The following KCNA6 variants were observed in gnomAD, a reference collection of about 807,000 sequenced individuals.
KCNA6 encodes the protein potassium voltage-gated channel subfamily A member 6.
In KCNA6, 17 loss-of-function variants were observed where a neutral mutation model predicts 29.5. The observed-to-expected ratio is 0.58, with a 90% confidence interval of 0.39 to 0.86. The LOEUF (loss-of-function observed/expected upper bound fraction) is 0.86, where lower values mean the gene tolerates loss of function less well. KCNA6 is among the 40% of genes least tolerant of loss of function. The pLI, the probability that KCNA6 is intolerant of heterozygous loss-of-function variation, is 0.00. For synonymous variants in KCNA6, 296 were observed against 304.7 expected, an observed-to-expected ratio of 0.97 and a Z score of 0.30; for missense variants, 450 against 703.4, an observed-to-expected ratio of 0.64 and a Z score of 4.07.
At chr12:4,827,600 T>A in the KCNA6 span, among the ~76,000 whole-genome samples, 5 of 152,182 alleles carry the variant, frequency 3.3e-5, no homozygotes, top group African/African-American at 7.2e-5. Flanking sequence ...AAGTAGAAGC[T>A]GGCTTCTTCC....
At chr12:4,840,514 C>T in the KCNA6 span, among the ~76,000 whole-genome samples, 1 of 152,218 alleles carries the variant, frequency 6.6e-6, no homozygotes, top group Non-Finnish European at 1.5e-5. Flanking sequence ...CACTTCTTTA[C>T]CTCCTGGGAA....
chr12:4,820,593 T>C, the KCNA6 span, among the ~76,000 whole-genome samples: 1 of 76,734 alleles, frequency 1.3e-5, no homozygotes, highest in Non-Finnish European at 2.9e-5. Context: ...ACACACACAC[T>C]CTTAAAAATA....
the KCNA6 span, among the ~76,000 whole-genome samples, chr12:4,838,419 A>G: frequency 0.07 from 10,725 of 152,174 alleles, 580 homozygotes; most frequent in East Asian, 0.26. Context: ...GGGGCTACCA[A>G]GGAGTTTACA....
At chr12:4,818,903 TATATACATAC>T in the KCNA6 span, among the ~76,000 whole-genome samples, 1 of 151,876 alleles carries the variant, frequency 6.6e-6, no homozygotes, top group Non-Finnish European at 1.5e-5. Flanking sequence ...CACATAAATA[TATATACATAC>T]ATACACATAC....
In KCNA6 at chr12:4,810,591, A is replaced by G. The variant is rs893384772; in HGVS notation, c.550A>G (p.Ile184Val). 19 of 1,614,004 alleles carry G rather than the reference A, an allele frequency of 1.2e-5. No individual in the cohort carries two copies. The African/African-American group carries it at 2.1e-4, about 18-fold the overall frequency. Residue 184 changes from isoleucine to valine, a missense_variant, in exon 1 of 1, where the codon ATT becomes GTT. Ile to Val is a conservative substitution (Grantham distance 29). Around this residue, in one of 7 missense-constraint regions of KCNA6, gnomAD observed 133 missense variants for 217.5 expected, o/e 0.61. Coordinates refer to ENST00000280684, the Ensembl canonical transcript of KCNA6. The surrounding 1 kb of genome is among the most constrained non-coding windows in gnomAD (Gnocchi z 7.5). ...CATCGCCATCGTCTCCGTGTTGGTC[A>G]TTCTCATCTCCATAGTCATCTTTTG...
chr12:4,842,910 C>T, the KCNA6 span, among the ~76,000 whole-genome samples: 1 of 152,032 alleles, frequency 6.6e-6, no homozygotes, highest in African/African-American at 2.4e-5. Context: ...AATTATAAAA[C>T]TTGTGTCCGT....
At chr12:4,818,704 A>G in the KCNA6 span, among the ~76,000 whole-genome samples, 7 of 152,116 alleles carry the variant, frequency 4.6e-5, no homozygotes, top group African/African-American at 1.7e-4. Flanking sequence ...GTGAGGGTCT[A>G]ACTGTTATTG....
At chr12:4,819,926 G>A in the KCNA6 span, among the ~76,000 whole-genome samples, 1 of 152,218 alleles carries the variant, frequency 6.6e-6, no homozygotes, top group Non-Finnish European at 1.5e-5. Flanking sequence ...CAGTGAAAGA[G>A]TTTAGCAGGA....
At chr12:4,847,025 C>T in the KCNA6 span, among the ~76,000 whole-genome samples, 5 of 151,582 alleles carry the variant, frequency 3.3e-5, no homozygotes, top group African/African-American at 1.2e-4. Flanking sequence ...ACCTCGTGAT[C>T]CACCTGCCTT....
the KCNA6 span, among the ~76,000 whole-genome samples, chr12:4,849,050 G>A: frequency 2.0e-5 from 3 of 151,838 alleles, no homozygotes; most frequent in Non-Finnish European, 4.4e-5. Flanking sequence ...AACCCCGGGA[G>A]TCGGAGGTTG....
the KCNA6 span, among the ~76,000 whole-genome samples, chr12:4,837,467 G>T: frequency 6.6e-6 from 1 of 152,156 alleles, no homozygotes; most frequent in Non-Finnish European, 1.5e-5. Context: ...GGCACTGGAA[G>T]TTGGGGGCAG....
chr12:4,841,295 A>C, the KCNA6 span, among the ~76,000 whole-genome samples: 1 of 152,192 alleles, frequency 6.6e-6, no homozygotes, highest in Non-Finnish European at 1.5e-5. Flanking sequence ...TATGTATAAT[A>C]ATTTGGCAAT....
At chr12:4,849,740 C>A in the KCNA6 span, among the ~76,000 whole-genome samples, 583 of 152,324 alleles carry the variant, frequency 3.8e-3, 3 homozygotes, top group African/African-American at 0.013. Context: ...AATATGAAGT[C>A]TTTTCCTTCT....
At chr12:4,842,054 TGTGTG>T in the KCNA6 span, among the ~76,000 whole-genome samples, 3 of 150,370 alleles carry the variant, frequency 2.0e-5, no homozygotes, top group African/African-American at 7.3e-5. Context: ...TGTGTGTGTG[TGTGTG>T]TGTCTGCTGA....
In KCNA6 at chr12:4,810,212, C is replaced by A; in HGVS notation, c.171C>A (p.Arg57=). ...GGCTGCGCTTTGAGACACAATTGCG[C>A]ACCCTGTCGCTGTTTCCGGACACGC... is the stretch of plus-strand genomic sequence containing the variant. Residue 57 remains arginine, a synonymous_variant, in exon 1 of 1, where the codon CGC becomes CGA. Transcript: ENST00000280684. The surrounding 1 kb of genome is among the most constrained non-coding windows in gnomAD (Gnocchi z 7.5). 6.2e-7 allele frequency: 1 copy of A among 1,613,704 alleles called. No individual in the cohort carries two copies. Among genetic ancestry groups the A allele is most frequent in the East Asian group, 2.2e-5 (1 of 44,870 alleles).
the KCNA6 span, among the ~76,000 whole-genome samples, chr12:4,822,521 C>T: frequency 6.6e-6 from 1 of 152,184 alleles, no homozygotes; most frequent in Non-Finnish European, 1.5e-5. Context: ...GAAGAAGGCA[C>T]TGGAGAGTAA....
chr12:4,849,201 T>C, the KCNA6 span, among the ~76,000 whole-genome samples: 1 of 152,132 alleles, frequency 6.6e-6, no homozygotes, highest in African/African-American at 2.4e-5. Context: ...GGTGGCGCCA[T>C]AGAGCAGTCC....
chr12:4,836,150 A>G, the KCNA6 span, among the ~76,000 whole-genome samples: 2 of 145,712 alleles, frequency 1.4e-5, no homozygotes, highest in African/African-American at 2.6e-5. Flanking sequence ...GGCTTTCACC[A>G]TGTTGGCCAG....
the KCNA6 span, among the ~76,000 whole-genome samples, chr12:4,849,633 A>C: frequency 6.6e-6 from 1 of 151,792 alleles, no homozygotes; most frequent in South Asian, 2.1e-4. Flanking sequence ...TGCTGTCCTG[A>C]GCACCAGGCT....
Sources: gnomAD v4.1 joint callset for allele counts (sites outside exome capture counted in the v4.1 genomes callset) on GRCh38, gnomAD v4.1.1 for gene constraint, gnomAD v4.1.1 regional missense constraint, Gnocchi (gnomAD v3.1) non-coding constraint, MANE v1.5 for transcripts, NCBI Gene and HGNC (gene_info 2026-07-23, HGNC 2026-07-21) for gene names.